The following PIK3AP1 variants were observed in gnomAD, a reference collection of about 807,000 sequenced individuals.
PIK3AP1 encodes phosphoinositide-3-kinase adaptor protein 1, also known as phosphoinositide 3-kinase adapter protein 1.
A neutral mutation model predicts 88.1 loss-of-function variants in PIK3AP1; 21 were observed. The ratio of observed to expected loss-of-function variants is 0.24; its 90% CI spans 0.17 to 0.34. PIK3AP1 has a LOEUF of 0.34. Among genes scored for constraint, PIK3AP1 ranks in the 10% least tolerant of loss-of-function variants. PIK3AP1 has a pLI of 1.00. For synonymous variants in PIK3AP1, 398 were observed against 400.0 expected, an observed-to-expected ratio of 1.00 and a Z score of 0.06; for missense variants, 828 against 1,035.7, an observed-to-expected ratio of 0.80 and a Z score of 2.75.
At chr10:96,667,546 T>C (rs1843781763) in intron 2 of PIK3AP1, among the ~76,000 whole-genome samples, 1 of 152,200 alleles carries the variant, frequency 6.6e-6, no homozygotes, top group Non-Finnish European at 1.5e-5. Context: ...TCACCCAGTG[T>C]GTGCTGTAAG....
At chr10:96,624,982 C>T (rs192070875) in intron 10 of PIK3AP1, among the ~76,000 whole-genome samples, 1 of 152,330 alleles carries the variant, frequency 6.6e-6, no homozygotes, top group Non-Finnish European at 1.5e-5. Context: ...CCCTCAGAAG[C>T]AGAACCCGAG....
intron 9 of PIK3AP1, among the ~76,000 whole-genome samples, chr10:96,627,176 T>C (rs1843165822): frequency 6.6e-6 from 1 of 152,216 alleles, no homozygotes; most frequent in Non-Finnish European, 1.5e-5. Context: ...TGGGATTCAG[T>C]TATTCATCCC....
chr10:96,601,595 C>T (rs1387445105), intron 16 of PIK3AP1, among the ~76,000 whole-genome samples: 1 of 152,118 alleles, frequency 6.6e-6, no homozygotes, highest in Non-Finnish European at 1.5e-5. Context: ...GGCTTCCCAC[C>T]ACCATACGAT....
chr10:96,701,013 G>A (rs901727820), intron 2 of PIK3AP1: 9 of 368,996 alleles, frequency 2.4e-5, no homozygotes, highest in South Asian at 1.1e-4. Flanking sequence ...CCCAAAAACC[G>A]AAAGACAAGA....
At chr10:96,671,822 C>G (rs1843851364) in intron 2 of PIK3AP1, among the ~76,000 whole-genome samples, 1 of 152,110 alleles carries the variant, frequency 6.6e-6, no homozygotes, top group South Asian at 2.1e-4. Flanking sequence ...AAGCAGATCA[C>G]TTGAGGCCAG....
chr10:96,679,024 T>C (rs967814140), intron 2 of PIK3AP1, among the ~76,000 whole-genome samples: 3 of 152,212 alleles, frequency 2.0e-5, no homozygotes, highest in Non-Finnish European at 2.9e-5. Flanking sequence ...ATGATGCAAA[T>C]GCTCTGGGGA....
chr10:96,688,303 A>G (rs1844102591), intron 2 of PIK3AP1, among the ~76,000 whole-genome samples: 3 of 152,186 alleles, frequency 2.0e-5, no homozygotes, highest in South Asian at 4.1e-4. Flanking sequence ...GGGGTTGGTG[A>G]TAAGAATCAA....
rs1843159013 is a variant in PIK3AP1, at chr10:96,626,753, G to A, written c.1624C>T (p.Pro542Ser). Reference sequence around the variant, plus strand: ...TTGTCAGGCAGCTGGTGAGCACCAGGAGCAGTGGTCTCTGGTCTGGGCACT... The same window carrying A: ...TTGTCAGGCAGCTGGTGAGCACCAGAAGCAGTGGTCTCTGGTCTGGGCACT... ...VPVPRPETTA[P>S]GAHQLPDNEP... Residue 542 changes from proline to serine, a missense_variant, in exon 10 of 17, where the codon CCT becomes TCT. Transcript: ENST00000339364. 2 of 1,614,218 alleles carry A rather than the reference G, an allele frequency of 1.2e-6. No individual in the cohort carries two copies. The highest frequency in any genetic ancestry group is 1.7e-6 in the Non-Finnish European group (2 of 1,180,040).
intron 2 of PIK3AP1, among the ~76,000 whole-genome samples, chr10:96,670,155 C>CAAAA (rs35152022): frequency 6.6e-5 from 6 of 91,430 alleles, no homozygotes; most frequent in African/African-American, 9.6e-5. Flanking sequence ...AAGACTCCAT[C>CAAAA]AAAAAAAAAA....
At chr10:96,713,190 C>A (rs1030372321) in intron 1 of PIK3AP1, among the ~76,000 whole-genome samples, 1 of 151,914 alleles carries the variant, frequency 6.6e-6, no homozygotes, top group Non-Finnish European at 1.5e-5. Flanking sequence ...GGTGAAACCC[C>A]GTCTCTACAA....
intron 2 of PIK3AP1, among the ~76,000 whole-genome samples, chr10:96,699,548 A>G (rs768716968): frequency 1.8e-4 from 27 of 152,200 alleles, no homozygotes; most frequent in Non-Finnish European, 2.9e-4. Flanking sequence ...TTTTTTGGAT[A>G]GCGCTGGTTT....
chr10:96,634,682 T>C (rs1843290407), intron 8 of PIK3AP1, among the ~76,000 whole-genome samples: 1 of 152,210 alleles, frequency 6.6e-6, no homozygotes, highest in Non-Finnish European at 1.5e-5. Context: ...TTTTCATGGG[T>C]ATCATTATTA....
chr10:96,705,881 G>GTTTT (rs1844355208), intron 2 of PIK3AP1, among the ~76,000 whole-genome samples: 1 of 104,180 alleles, frequency 9.6e-6, no homozygotes, highest in African/African-American at 4.2e-5. Flanking sequence ...TGCCCAGCCA[G>GTTTT]TTGTTTTTTT....
chr10:96,698,804 G>A (rs1331059261), intron 2 of PIK3AP1, among the ~76,000 whole-genome samples: 4 of 152,156 alleles, frequency 2.6e-5, no homozygotes, highest in African/African-American at 7.2e-5. Flanking sequence ...CCTGGCAGAT[G>A]CTCATTCAAT....
chr10:96,661,717 T>C (rs560776549), intron 2 of PIK3AP1, among the ~76,000 whole-genome samples: 3 of 151,622 alleles, frequency 2.0e-5, no homozygotes, highest in African/African-American at 7.3e-5. Context: ...GTCCAGGAAG[T>C]GGAGGTTGCA....
Position 96,648,753 on chromosome 10 carries a change from G to C in PIK3AP1, c.1091C>G (p.Ala364Gly). ...GCCATGCTTGTTGGCCACGCTGTAC[G>C]CCTGCAGGGCTCCTGGGCAGGTGAG... The part of the protein sequence containing the change: ...LLLTCPGALQ[A>G]YSVANKHGHY... Residue 364 changes from alanine to glycine, a missense_variant, in exon 7 of 17, where the codon GCG (alanine) becomes GGG (glycine). Around this residue, in one of 3 missense-constraint regions of PIK3AP1, gnomAD observed 610 missense variants for 760.1 expected, o/e 0.80. Coordinates refer to ENST00000339364, the MANE Select transcript of PIK3AP1 (RefSeq NM_152309.3). 1 of 1,610,778 alleles carries C rather than the reference G, an allele frequency of 6.2e-7. No homozygotes were observed. Among genetic ancestry groups the C allele is most frequent in the Non-Finnish European group, 8.5e-7 (1 of 1,178,820 alleles).
chr10:96,679,940 G>C (rs1002310532), intron 2 of PIK3AP1, among the ~76,000 whole-genome samples: 2 of 152,150 alleles, frequency 1.3e-5, no homozygotes, highest in Non-Finnish European at 2.9e-5. Context: ...GTCCCCAGGG[G>C]AGTGCCATGC....
At position 96,651,239 on chromosome 10, in the gene PIK3AP1, T is replaced by A. The variant is rs1843532657; in HGVS notation, c.988+9A>T. The A allele has an allele frequency of 6.2e-7, 1 of 1,614,114 alleles. No homozygotes were observed. The highest frequency in any genetic ancestry group is 1.7e-5 in the Admixed American group (1 of 60,008). ...ACGTTGGTTTCCTGAGGTTTGACTG[T>A]CAACTTACTTGTCATCATATCTTCT... On this transcript the variant is annotated intron_variant, in intron 6 of 16. Transcript: ENST00000339364.
At chr10:96,687,139 C>A (rs1215476170) in intron 2 of PIK3AP1, among the ~76,000 whole-genome samples, 2 of 151,450 alleles carry the variant, frequency 1.3e-5, no homozygotes, top group African/African-American at 4.9e-5. Context: ...GCCTGTAGTC[C>A]CAGCTACTCG....
Sources: gnomAD v4.1 joint callset for allele counts (sites outside exome capture counted in the v4.1 genomes callset) on GRCh38, gnomAD v4.1.1 for gene constraint, gnomAD v4.1.1 regional missense constraint, MANE v1.5 for transcripts, NCBI Gene and HGNC (gene_info 2026-07-23, HGNC 2026-07-21) for gene names.